Variants in ADAMTSL3 observed in about 807,000 individuals in gnomAD.
ADAMTSL3 encodes ADAMTS-like protein 3.
In ADAMTSL3, 128 loss-of-function variants were observed where a neutral mutation model predicts 201.7. The ratio of observed to expected loss-of-function variants is 0.63; its 90% CI spans 0.55 to 0.73. The LOEUF (loss-of-function observed/expected upper bound fraction) is 0.73, where lower values mean the gene tolerates loss of function less well. Ranked by LOEUF, ADAMTSL3 falls within the 30% of genes least tolerant of loss-of-function variation. The pLI is 0.00. For synonymous variants in ADAMTSL3, 738 were observed against 748.4 expected (o/e 0.99, Z 0.23); for missense variants, 1,990 against 2,119.6 (o/e 0.94, Z 1.20).
At chr15:83,758,308 A>G (rs1596151942) in intron 3 of ADAMTSL3, among the ~76,000 whole-genome samples, 1 of 152,252 alleles carries the variant, frequency 6.6e-6, no homozygotes, top group Admixed American at 6.5e-5. Context: ...GCAAAGGGAC[A>G]TCTTACATGG....
chr15:83,704,257 G>A, intron 2 of ADAMTSL3, 132 bp from the exon 3 acceptor site: 1 of 1,372,598 alleles, frequency 7.3e-7, no homozygotes, highest in Non-Finnish European at 1.0e-6. Flanking sequence ...TTTGCCAAGA[G>A]AGGTCACTTC....
intron 4 of ADAMTSL3, among the ~76,000 whole-genome samples, chr15:83,803,712 G>A (rs1042519880): frequency 2.6e-4 from 39 of 152,142 alleles, no homozygotes; most frequent in African/African-American, 7.2e-4. Context: ...TGGCAGGGTC[G>A]CAGAGCTAGT....
intron 8 of ADAMTSL3, among the ~76,000 whole-genome samples, chr15:83,869,951 C>G (rs1242684700): frequency 6.6e-6 from 1 of 152,052 alleles, no homozygotes; most frequent in South Asian, 2.1e-4. Flanking sequence ...TGTTGCCTCT[C>G]TCAACATGAA....
intron 3 of ADAMTSL3, among the ~76,000 whole-genome samples, chr15:83,708,411 C>T (rs2061882788): frequency 6.6e-6 from 1 of 152,142 alleles, no homozygotes; most frequent in Non-Finnish European, 1.5e-5. Flanking sequence ...GCCTGGAAAA[C>T]TAATAACCCT....
Position 83,671,380 on chromosome 15 carries a change from C to T in ADAMTSL3, c.69+15550C>T, listed in dbSNP as rs897710333. On this transcript the variant is annotated intron_variant, in intron 2 of 29. Coordinates refer to ENST00000286744, the MANE Select transcript of ADAMTSL3 (RefSeq NM_207517.3). ...CGGGATTTCTCCAGATTCTTTAATC[C>T]AATTTGATCAATATAAAATACAAAA... Among the ~76,000 whole-genome samples the T allele has an allele frequency of 5.3e-5, 8 of 152,128 alleles. No homozygotes were observed. In the East Asian group the frequency reaches 1.5e-3, roughly 29 times the overall value.
intron 6 of ADAMTSL3, among the ~76,000 whole-genome samples, chr15:83,822,871 C>G (rs1389494289): frequency 6.7e-6 from 1 of 149,534 alleles, no homozygotes; most frequent in African/African-American, 2.5e-5. Flanking sequence ...TGTAGCGAGC[C>G]GAGATCACGC....
At chr15:83,785,893 G>T (rs12908597) in intron 4 of ADAMTSL3, among the ~76,000 whole-genome samples, 22,439 of 151,352 alleles carry the variant, frequency 0.15, 2,222 homozygotes, top group Middle Eastern at 0.31. Flanking sequence ...ACCCAGGCTT[G>T]AGTACAGTGG....
intron 16 of ADAMTSL3, among the ~76,000 whole-genome samples, chr15:83,917,501 A>G (rs1238621101): frequency 2.0e-5 from 3 of 152,206 alleles, no homozygotes; most frequent in African/African-American, 7.2e-5. Context: ...CTGTGTGTGT[A>G]GATACATCAT....
At chr15:83,758,846 A>G (rs566564031) in intron 3 of ADAMTSL3, among the ~76,000 whole-genome samples, 1 of 152,210 alleles carries the variant, frequency 6.6e-6, no homozygotes, top group South Asian at 2.1e-4. Context: ...TATTTTTCCC[A>G]TTCTGTGGAT....
At chr15:83,801,655 T>TAAATATAAATATATATAC (rs1352203811) in intron 4 of ADAMTSL3, among the ~76,000 whole-genome samples, 1 of 37,108 alleles carries the variant, frequency 2.7e-5, no homozygotes, top group African/African-American at 7.9e-5. Context: ...AATATAAATA[T>TAAATATAAATATATATAC]ATATATATAT....
At chr15:83,816,140 T>G (rs962956142) in intron 5 of ADAMTSL3, among the ~76,000 whole-genome samples, 2 of 152,246 alleles carry the variant, frequency 1.3e-5, no homozygotes, top group African/African-American at 4.8e-5. Flanking sequence ...AATGCATAGT[T>G]TACTGTCTTT....
At chr15:83,688,779 C>CAA (rs1217913220) in intron 2 of ADAMTSL3, among the ~76,000 whole-genome samples, 1 of 151,066 alleles carries the variant, frequency 6.6e-6, no homozygotes, top group Non-Finnish European at 1.5e-5. Flanking sequence ...CACACACACA[C>CAA]ACATACACAC....
chr15:83,700,949 G>T (rs192992620), intron 2 of ADAMTSL3, among the ~76,000 whole-genome samples: 1 of 152,286 alleles, frequency 6.6e-6, no homozygotes, highest in Non-Finnish European at 1.5e-5. Context: ...TTGACAGAAT[G>T]ATGTTGATTT....
At chr15:84,030,082 A>G (rs1436691623) in intron 27 of ADAMTSL3, among the ~76,000 whole-genome samples, 1 of 152,220 alleles carries the variant, frequency 6.6e-6, no homozygotes, top group Admixed American at 6.5e-5. Context: ...CCTCATAAAG[A>G]ACCTCTGTTA....
intron 6 of ADAMTSL3, among the ~76,000 whole-genome samples, chr15:83,824,650 C>T (rs1210559165): frequency 1.3e-5 from 2 of 152,138 alleles, no homozygotes; most frequent in Non-Finnish European, 2.9e-5. Context: ...CCTCTCTCCT[C>T]GCTAACCCCT....
At chr15:83,972,012 G>GT (rs1048029131) in intron 20 of ADAMTSL3, among the ~76,000 whole-genome samples, 2 of 151,284 alleles carry the variant, frequency 1.3e-5, no homozygotes, top group Non-Finnish European at 2.9e-5. Flanking sequence ...AAATAATTAA[G>GT]TTTTTTTTAA....
chr15:83,913,381 A>G lies in ADAMTSL3; in HGVS notation c.1987+3A>G, dbSNP rs1272839411. On this transcript the variant is annotated splice_donor_region_variant and intron_variant, in intron 16 of 29. Coordinates refer to ENST00000286744, the MANE Select transcript of ADAMTSL3 (RefSeq NM_207517.3). Reference sequence around the variant, plus strand: ...TTGCACAGCAACATGCGTGGGAGGTATTTGAACCTTTGCTTAAGGGACAGT... The same window carrying G: ...TTGCACAGCAACATGCGTGGGAGGTGTTTGAACCTTTGCTTAAGGGACAGT... The G allele has an allele frequency of 6.2e-7, 1 of 1,611,896 alleles. No homozygotes were observed. The highest frequency in any genetic ancestry group is 1.3e-5 in the African/African-American group (1 of 74,932).
chr15:83,929,771 G>A (rs919173177), intron 17 of ADAMTSL3, among the ~76,000 whole-genome samples: 1 of 150,772 alleles, frequency 6.6e-6, no homozygotes, highest in African/African-American at 2.4e-5. Flanking sequence ...GAGAGACAGA[G>A]AGACAGAGAC....
intron 9 of ADAMTSL3, among the ~76,000 whole-genome samples, chr15:83,874,234 G>C (rs56258128): frequency 0.24 from 34,580 of 144,386 alleles, 7,829 homozygotes; most frequent in Non-Finnish European, 0.32. Context: ...GAGGCTTTCA[G>C]GGAAAGCCAA....
Sources: allele counts gnomAD v4.1 joint callset (sites outside exome capture counted in the v4.1 genomes callset), GRCh38; gene constraint gnomAD v4.1.1; transcripts MANE v1.5; gene names NCBI Gene and HGNC (gene_info 2026-07-23, HGNC 2026-07-21).